The following CYB5B variants were observed in gnomAD, a reference collection of about 807,000 sequenced individuals.
CYB5B encodes cytochrome b5 type B (outer mitochondrial membrane).
In CYB5B, 14 loss-of-function variants were observed where a neutral mutation model predicts 21.3. That is an observed-to-expected ratio of 0.66 (90% CI 0.43 to 1.03). The LOEUF (loss-of-function observed/expected upper bound fraction) is 1.03. Among genes scored for constraint, CYB5B ranks in the 50% least tolerant of loss-of-function variants. CYB5B has a pLI of 0.00. For synonymous variants in CYB5B, 69 were observed against 68.4 expected (o/e 1.01, Z -0.04); for missense variants, 166 against 185.1 (o/e 0.90, Z 0.60).
intron 1 of CYB5B, among the ~76,000 whole-genome samples, chr16:69,430,657 T>C (rs1328018338): frequency 6.8e-6 from 1 of 147,518 alleles, no homozygotes; most frequent in Non-Finnish European, 1.5e-5. Context: ...TGAAATAACA[T>C]TGTGATATTT....
chr16:69,462,414 C>G lies in CYB5B; in HGVS notation c.363-16C>G. 2 of 1,589,970 alleles carry G rather than the reference C, an allele frequency of 1.3e-6. No homozygotes were observed. Among genetic ancestry groups the G allele is most frequent in the Non-Finnish European group, 1.7e-6 (2 of 1,158,014 alleles). The stretch of plus-strand genomic sequence containing the variant: ...AAAATATTAACAACTTTATTGCTTT[C>G]TCCCCCTATTCCTAGTTGCTGGGCA... On this transcript the variant is annotated splice_polypyrimidine_tract_variant and intron_variant, in intron 4 of 4. Transcript: ENST00000307892.
At chr16:69,447,011 A>C (rs772467796) in intron 1 of CYB5B, 139 bp from the exon 2 acceptor site, 2 of 1,000,130 alleles carry the variant, frequency 2.0e-6, no homozygotes, top group South Asian at 3.3e-5. Context: ...TTCCCATTGC[A>C]TCCTGTCAGG....
intron 1 of CYB5B, among the ~76,000 whole-genome samples, chr16:69,433,320 A>G (rs1235918609): frequency 1.3e-5 from 2 of 152,146 alleles, no homozygotes; most frequent in Non-Finnish European, 2.9e-5. Flanking sequence ...GTAAAAAGCC[A>G]CCTTCCCCTC....
chr16:69,463,311 T>G lies in CYB5B; in HGVS notation c.*791T>G, dbSNP rs778950350. On this transcript the variant is annotated 3_prime_UTR_variant, in exon 5 of 5. Transcript: ENST00000307892. ...TCCCAAGTGGTGCCGGACAAAAAACTACATGGCCCTTTCGTGTCTTGGGGG... is the reference window on the plus strand; with the variant it reads ...TCCCAAGTGGTGCCGGACAAAAAACGACATGGCCCTTTCGTGTCTTGGGGG... The G allele has an allele frequency of 6.6e-6, 1 of 152,002 alleles. No individual in the cohort carries two copies. Among genetic ancestry groups the G allele is most frequent in the Non-Finnish European group, 1.5e-5 (1 of 68,004 alleles). The allele number at this position is 152,002 out of a possible 1,614,324, so 9.4% of individuals were successfully genotyped here.
intron 1 of CYB5B, among the ~76,000 whole-genome samples, chr16:69,436,997 T>G (rs1321732184): frequency 6.6e-6 from 1 of 152,222 alleles, no homozygotes; most frequent in Non-Finnish European, 1.5e-5. Context: ...CTTAGTAAAG[T>G]AAATGAACTT....
intron 1 of CYB5B, chr16:69,443,665 G>T (rs558138153): frequency 6.6e-6 from 1 of 152,492 alleles, no homozygotes; most frequent in African/African-American, 2.4e-5. Flanking sequence ...GACCAGCCTG[G>T]CCAACGTGGT....
intron 1 of CYB5B, among the ~76,000 whole-genome samples, chr16:69,428,768 G>C (rs922941641): frequency 6.6e-6 from 1 of 152,164 alleles, no homozygotes; most frequent in Non-Finnish European, 1.5e-5. Context: ...TTATGAAGAT[G>C]ACTAAGTAAA....
intron 1 of CYB5B, among the ~76,000 whole-genome samples, chr16:69,429,134 C>T (rs374221484): frequency 3.0e-4 from 46 of 152,060 alleles, no homozygotes; most frequent in African/African-American, 1.0e-3. Context: ...TGGTTCCTTC[C>T]GGTGGGTTTT....
intron 1 of CYB5B, among the ~76,000 whole-genome samples, chr16:69,442,904 T>C (rs771465895): frequency 2.6e-5 from 4 of 151,692 alleles, no homozygotes; most frequent in African/African-American, 4.8e-5. Flanking sequence ...CTCCAAGTTC[T>C]GGCAGAGCTA....
intron 1 of CYB5B, among the ~76,000 whole-genome samples, chr16:69,443,022 C>T (rs900229670): frequency 1.3e-5 from 2 of 152,056 alleles, no homozygotes; most frequent in African/African-American, 4.8e-5. Context: ...GATTGTGGCT[C>T]ACTGAAAACT....
intron 1 of CYB5B, among the ~76,000 whole-genome samples, chr16:69,427,503 G>C (rs2014660404): frequency 6.6e-6 from 1 of 151,978 alleles, no homozygotes; most frequent in Non-Finnish European, 1.5e-5. Context: ...CTTGGAGCTT[G>C]AGCTGCAGCT....
At chr16:69,427,409 C>A (rs1228432895) in intron 1 of CYB5B, among the ~76,000 whole-genome samples, 1 of 150,472 alleles carries the variant, frequency 6.6e-6, no homozygotes, top group East Asian at 1.9e-4. Context: ...TTTTTTTTTC[C>A]TCTGTGAAGA....
At chr16:69,427,072 T>C (rs1485812181) in intron 1 of CYB5B, among the ~76,000 whole-genome samples, 1 of 152,084 alleles carries the variant, frequency 6.6e-6, no homozygotes, top group Non-Finnish European at 1.5e-5. Context: ...AAACCTCGTC[T>C]CTACTAAAAA....
rs1366892460 is a variant in CYB5B at position 69,463,630 on chromosome 16, C to G, written c.*1110C>G. The G allele has an allele frequency of 6.6e-6, 1 of 152,146 alleles. No homozygotes were observed. The highest frequency in any genetic ancestry group is 1.5e-5 in the Non-Finnish European group (1 of 68,032). 9.4% of individuals were successfully genotyped at this position (152,146 alleles called of 1,614,324 possible). On this transcript the variant is annotated 3_prime_UTR_variant, in exon 5 of 5. Transcript: ENST00000307892. ...CTCCATTTTCCAAAAGTAAGAGACT[C>G]CAGCATGGCCTTCTGTTTGCCCCGC...
intron 1 of CYB5B, among the ~76,000 whole-genome samples, chr16:69,430,937 T>A (rs2014699649): frequency 6.6e-6 from 1 of 152,022 alleles, no homozygotes; most frequent in Admixed American, 6.6e-5. Flanking sequence ...CCTCCCAAAG[T>A]GCTGGGATTA....
intron 3 of CYB5B, among the ~76,000 whole-genome samples, chr16:69,457,783 G>T (rs1285575265): frequency 6.6e-6 from 1 of 152,104 alleles, no homozygotes; most frequent in Non-Finnish European, 1.5e-5. Flanking sequence ...CTTGCCTACA[G>T]ACTAATTTCT....
chr16:69,442,172 G>A (rs894298965), intron 1 of CYB5B, among the ~76,000 whole-genome samples: 5 of 152,062 alleles, frequency 3.3e-5, no homozygotes, highest in Non-Finnish European at 7.3e-5. Context: ...GTGATTAAAA[G>A]TCAGACTGCA....
chr16:69,459,147 A>G lies in CYB5B; in HGVS notation c.362+26A>G, dbSNP rs375114343. ...GTTAGTATCTCCTTAACAGCTTTCC[A>G]TACGTTCAAGGTAATGTCTGGCAAG... On this transcript the variant is annotated intron_variant, in intron 4 of 4. Coordinates refer to ENST00000307892, the MANE Select transcript of CYB5B (RefSeq NM_030579.3). 6 of 1,603,066 alleles carry G rather than the reference A, an allele frequency of 3.7e-6. No homozygotes were observed. The African/African-American group carries it at 5.4e-5, about 14-fold the overall frequency.
intron 1 of CYB5B, among the ~76,000 whole-genome samples, chr16:69,425,539 AT>A (rs913969410): frequency 9.3e-5 from 14 of 150,494 alleles, no homozygotes; most frequent in African/African-American, 1.7e-4. Context: ...GGTGCAACTA[AT>A]TTTTTTTTTA....
Sources: allele counts gnomAD v4.1 joint callset (sites outside exome capture counted in the v4.1 genomes callset), GRCh38; gene constraint gnomAD v4.1.1; transcripts MANE v1.5; gene names NCBI Gene and HGNC (gene_info 2026-07-23, HGNC 2026-07-21).